Variants in CYP19A1 observed in about 807,000 individuals in gnomAD.
CYP19A1 encodes the protein cytochrome P450 family 19 subfamily A member 1, also known as aromatase.
A neutral mutation model predicts 44.4 loss-of-function variants in CYP19A1; 32 were observed. The ratio of observed to expected loss-of-function variants is 0.72; its 90% CI spans 0.54 to 0.97. CYP19A1 has a LOEUF of 0.97. Ranked by LOEUF, CYP19A1 falls within the 50% of genes least tolerant of loss-of-function variation. The pLI is 0.00. For missense variants in CYP19A1, 598 were observed against 637.8 expected, an observed-to-expected ratio of 0.94 and a Z score of 0.67; for synonymous variants, 212 against 215.6, an observed-to-expected ratio of 0.98 and a Z score of 0.14.
chr15:51,269,970 A>G (rs1225606020), intron 1 of CYP19A1, among the ~76,000 whole-genome samples: 1 of 152,018 alleles, frequency 6.6e-6, no homozygotes, highest in African/African-American at 2.4e-5. Context: ...AAAGGTTCCT[A>G]ACAAACACAC....
chr15:51,327,895 G>T (rs57841516), intron 1 of CYP19A1, among the ~76,000 whole-genome samples: 11,059 of 151,700 alleles, frequency 0.073, 1,064 homozygotes, highest in East Asian at 0.25. Context: ...AAAAAAAATG[G>T]AATACACTCA....
At chr15:51,272,231 A>G in intron 1 of CYP19A1, among the ~76,000 whole-genome samples, 1 of 152,070 alleles carries the variant, frequency 6.6e-6, no homozygotes, top group East Asian at 1.9e-4. Context: ...ACCCTTCCCA[A>G]CCTTCAAGAT....
At chr15:51,227,347 T>C (rs954611529) in intron 4 of CYP19A1, among the ~76,000 whole-genome samples, 4 of 152,108 alleles carry the variant, frequency 2.6e-5, no homozygotes, top group African/African-American at 9.7e-5. Flanking sequence ...TGTTAGCTCT[T>C]CCTCCTTTAT....
chr15:51,245,188 C>T (rs1275444184), intron 1 of CYP19A1, among the ~76,000 whole-genome samples: 1 of 152,122 alleles, frequency 6.6e-6, no homozygotes. Context: ...CCCCATACTG[C>T]CATGAAAAGT....
chr15:51,304,838 C>T (rs185062894), intron 1 of CYP19A1, among the ~76,000 whole-genome samples: 25 of 147,070 alleles, frequency 1.7e-4, no homozygotes, highest in African/African-American at 3.1e-4. Context: ...TTTAAAAATG[C>T]GTTTCTAAAT....
chr15:51,290,133 G>A (rs145190097), intron 1 of CYP19A1, among the ~76,000 whole-genome samples: 371 of 152,276 alleles, frequency 2.4e-3, no homozygotes, highest in African/African-American at 8.3e-3. Context: ...CAGTTTCCCA[G>A]GAACTACCTG....
At chr15:51,237,058 T>A (rs777202194) in intron 2 of CYP19A1, 49 bp from the exon 3 acceptor site, 1 of 1,610,000 alleles carries the variant, frequency 6.2e-7, no homozygotes, top group Non-Finnish European at 8.5e-7. Context: ...CACCAAAAAT[T>A]GCAACTGTTT....
intron 5 of CYP19A1, among the ~76,000 whole-genome samples, chr15:51,219,544 A>T (rs2031889909): frequency 6.6e-6 from 1 of 152,208 alleles, no homozygotes; most frequent in Admixed American, 6.5e-5. Context: ...GCTTGCCCAA[A>T]ACCATACAGC....
At chr15:51,222,647 G>A (rs991753695) in intron 4 of CYP19A1, 122 bp from the exon 5 acceptor site, 2 of 784,474 alleles carry the variant, frequency 2.5e-6, no homozygotes. Flanking sequence ...TAATTGGGTG[G>A]AAGTTTTCAT....
chr15:51,253,071 A>G (rs929914705), intron 1 of CYP19A1, among the ~76,000 whole-genome samples: 2 of 152,152 alleles, frequency 1.3e-5, no homozygotes, highest in Non-Finnish European at 2.9e-5. Flanking sequence ...TCCTCCCCAC[A>G]CCATTCACAT....
At chr15:51,272,071 G>A (rs2035145913) in intron 1 of CYP19A1, among the ~76,000 whole-genome samples, 1 of 152,170 alleles carries the variant, frequency 6.6e-6, no homozygotes, top group Admixed American at 6.5e-5. Context: ...CAGGCTGGCT[G>A]ACACTTTTGC....
intron 1 of CYP19A1, among the ~76,000 whole-genome samples, chr15:51,325,880 C>G (rs533762767): frequency 6.8e-6 from 1 of 147,910 alleles, no homozygotes; most frequent in Non-Finnish European, 1.5e-5. Context: ...TTGAGTCCAC[C>G]TAACCTACCA....
intron 2 of CYP19A1, among the ~76,000 whole-genome samples, chr15:51,237,631 A>C (rs2033489276): frequency 6.6e-6 from 1 of 152,234 alleles, no homozygotes; most frequent in Non-Finnish European, 1.5e-5. Context: ...AATAAAGCTA[A>C]GAGATGGGGA....
chr15:51,286,196 T>C (rs2035693797), intron 1 of CYP19A1, among the ~76,000 whole-genome samples: 1 of 152,170 alleles, frequency 6.6e-6, no homozygotes, highest in South Asian at 2.1e-4. Context: ...GCCCCTTCTC[T>C]CCCTTGCTCT....
chr15:51,216,986 G>A (rs1029220980), intron 6 of CYP19A1, among the ~76,000 whole-genome samples: 3 of 152,112 alleles, frequency 2.0e-5, no homozygotes, highest in African/African-American at 7.2e-5. Flanking sequence ...TCTGTATTAC[G>A]TTAAATGTAC....
At chr15:51,289,290 T>A (rs990505652) in intron 1 of CYP19A1, among the ~76,000 whole-genome samples, 6 of 152,216 alleles carry the variant, frequency 3.9e-5, no homozygotes, top group Non-Finnish European at 7.3e-5. Context: ...TTTAAAATAA[T>A]TCATTTTCAA....
At position 51,212,379 on chromosome 15, in the gene CYP19A1, G is replaced by T; in HGVS notation, c.1204C>A (p.His402Asn). ...TNIILNIGRM[H>N]RLEFFPKPNE... Reference sequence around the variant, plus strand: ...GGTTTGGGGAAAAACTCGAGTCTGTGCATCCTTCCAATATTCAGGATAATG... The same window carrying T: ...GGTTTGGGGAAAAACTCGAGTCTGTTCATCCTTCCAATATTCAGGATAATG... Residue 402 changes from histidine to asparagine, a missense_variant, in exon 9 of 10, where the codon CAC (histidine) becomes AAC (asparagine). Coordinates refer to ENST00000396402, the MANE Select transcript of CYP19A1 (RefSeq NM_000103.4). The T allele has an allele frequency of 6.3e-7, 1 of 1,587,060 alleles. No individual in the cohort carries two copies.
intron 1 of CYP19A1, among the ~76,000 whole-genome samples, chr15:51,326,160 G>T (rs1039977993): frequency 6.6e-6 from 1 of 152,128 alleles, no homozygotes; most frequent in Non-Finnish European, 1.5e-5. Flanking sequence ...GATAATTCCT[G>T]AGTCCTCCCC....
Position 51,240,358 on chromosome 15 carries a change from C to A in CYP19A1, c.145+2410G>T, listed in dbSNP as rs141113343. On this transcript the variant is annotated intron_variant, in intron 2 of 9. Transcript: ENST00000396402. ...ACTCTTTGAGTCTCAGTTTTGCCAACTACAAAACAGACACAAACACACCAA... is the reference window on the plus strand; with the variant it reads ...ACTCTTTGAGTCTCAGTTTTGCCAAATACAAAACAGACACAAACACACCAA... Among the ~76,000 whole-genome samples the A allele has an allele frequency of 8.3e-3, 1,269 of 152,236 alleles. 20 individuals carry two copies. The highest frequency in any genetic ancestry group is 0.029 in the African/African-American group (1,189 of 41,514).
Sources: gnomAD v4.1 joint callset for allele counts (sites outside exome capture counted in the v4.1 genomes callset) on GRCh38, gnomAD v4.1.1 for gene constraint, MANE v1.5 for transcripts, NCBI Gene and HGNC (gene_info 2026-07-23, HGNC 2026-07-21) for gene names.